The following ANKS6 variants were observed in gnomAD, a reference collection of about 807,000 sequenced individuals.
The protein encoded by ANKS6 is ankyrin repeat and SAM domain-containing protein 6.
Under a neutral mutation model 77.9 loss-of-function variants are expected in ANKS6, and 47 were observed. The ratio of observed to expected loss-of-function variants is 0.60; its 90% confidence interval spans 0.48 to 0.77. The LOEUF (loss-of-function observed/expected upper bound fraction) is 0.77. ANKS6 is among the 30% of genes least tolerant of loss of function. ANKS6 has a pLI of 0.00. For synonymous variants in ANKS6, 488 were observed against 501.7 expected, an observed-to-expected ratio of 0.97 and a Z score of 0.37; for missense variants, 1,150 against 1,159.1, an observed-to-expected ratio of 0.99 and a Z score of 0.11.
intron 4 of ANKS6, 180 bp downstream of exon 4, chr9:98,783,773 G>C (rs915187768): frequency 1.9e-5 from 9 of 472,144 alleles, no homozygotes; most frequent in Admixed American, 4.5e-5. Flanking sequence ...TCTGGACACA[G>C]AAGGGTGGGA....
At chr9:98,784,772 G>A in intron 3 of ANKS6, 60 bp downstream of exon 3, 1 of 1,469,352 alleles carries the variant, frequency 6.8e-7, no homozygotes, top group South Asian at 1.2e-5. Context: ...ACAAATATTA[G>A]GTTGGGAGAA....
rs761357300 is a variant in ANKS6 at position 98,768,086 on chromosome 9, C to T, written c.2137G>A (p.Gly713Ser). 1 of 1,607,182 alleles carries T rather than the reference C, an allele frequency of 6.2e-7. No individual in the cohort carries two copies. Among genetic ancestry groups the T allele is most frequent in the Non-Finnish European group, 8.5e-7 (1 of 1,177,238 alleles). Reference protein sequence around the residue: ...ASPAGGSAPVGKKLETSKRPP... With the variant: ...ASPAGGSAPVSKKLETSKRPP... ...AGGCCACACAAAACAAGCACCTTGC[C>T]AACAGGAGCGCTGCCACCTGCAGGG... The change falls in exon 11 of 15, where the codon GGC (glycine) becomes AGC (serine). Residue 713 changes from glycine (G) to serine (S), a missense_variant. Transcript: ENST00000353234.
At chr9:98,786,446 C>T (rs1246844204) in intron 2 of ANKS6, among the ~76,000 whole-genome samples, 3 of 152,008 alleles carry the variant, frequency 2.0e-5, no homozygotes, top group Admixed American at 6.6e-5. Flanking sequence ...CACCCACCAC[C>T]GCATCTGGCT....
Position 98,735,002 on chromosome 9 carries a change from G to C in ANKS6, c.*1517C>G. ...AGTAAGTTAACGACAGCCTCTGAAA[G>C]CCAGCATAGGGGAATGGGCTTTCAT... On this transcript the variant is annotated 3_prime_UTR_variant, in exon 15 of 15. Transcript: ENST00000353234. 1.0e-6 allele frequency: 1 copy of C among 985,444 alleles called. No individual in the cohort carries two copies. The highest frequency in any genetic ancestry group is 1.2e-6 in the Non-Finnish European group (1 of 829,940). The allele number at this position is 985,444 out of a possible 1,614,324, so 61.0% of individuals were successfully genotyped here. A position where few individuals can be genotyped will look rare whatever the true frequency, so the allele number is the denominator to read the frequency against.
intron 14 of ANKS6, among the ~76,000 whole-genome samples, chr9:98,741,949 T>A (rs377718502): frequency 6.6e-6 from 1 of 152,262 alleles, no homozygotes; most frequent in East Asian, 1.9e-4. Flanking sequence ...TAAACACATG[T>A]AACTGAAACA....
At chr9:98,770,563 C>T (rs1282008061) in intron 10 of ANKS6, among the ~76,000 whole-genome samples, 6 of 151,956 alleles carry the variant, frequency 3.9e-5, no homozygotes, top group Non-Finnish European at 7.4e-5. Context: ...AATGAAGGGG[C>T]AGAATGAGAA....
At chr9:98,773,083 A>G (rs1176106810) in intron 9 of ANKS6, among the ~76,000 whole-genome samples, 1 of 151,786 alleles carries the variant, frequency 6.6e-6, no homozygotes, top group African/African-American at 2.4e-5. Flanking sequence ...GGGTTCTACA[A>G]CTCCCCCGTT....
Position 98,796,301 on chromosome 9 carries a change from G to A in ANKS6, c.191C>T (p.Ala64Val). The A allele has an allele frequency of 7.9e-7, 1 of 1,260,964 alleles. No homozygotes were observed. Among genetic ancestry groups the A allele is most frequent in the African/African-American group, 1.5e-5 (1 of 64,634 alleles). The allele number at this position is 1,260,964 out of a possible 1,614,324, so 78.1% of individuals were successfully genotyped here. The change falls in exon 1 of 15, where the codon GCA becomes GTA. Residue 64 changes from alanine (A) to valine (V), a missense_variant. Transcript: ENST00000353234. The stretch of plus-strand genomic sequence containing the variant: ...ATCCACGGGCACCGGAGCCCCGACT[G>A]CCCCCGCCGCTGCGGCCCCGGGCCC... ...VAGPGAAAAG[A>V]VGAPVPVDCS...
intron 13 of ANKS6, among the ~76,000 whole-genome samples, chr9:98,750,208 C>A (rs1427298544): frequency 6.6e-6 from 1 of 152,224 alleles, no homozygotes; most frequent in East Asian, 1.9e-4. Context: ...TCTCTGGCAA[C>A]CACGAATCTA....
At chr9:98,743,338 T>C (rs1374095706) in intron 14 of ANKS6, among the ~76,000 whole-genome samples, 2 of 122,694 alleles carry the variant, frequency 1.6e-5, no homozygotes, top group African/African-American at 3.2e-5. Context: ...TGAGTCACCC[T>C]TTACCACCCT....
At chr9:98,766,361 A>T (rs1475505444) in intron 11 of ANKS6, among the ~76,000 whole-genome samples, 1 of 152,184 alleles carries the variant, frequency 6.6e-6, no homozygotes, top group African/African-American at 2.4e-5. Context: ...CTAACATATA[A>T]CACATCCAAT....
Position 98,734,503 on chromosome 9 carries a change from A to C in ANKS6, c.*2016T>G. 3.0e-6 allele frequency: 3 copies of C among 985,434 alleles called. No individual in the cohort carries two copies. Among genetic ancestry groups the C allele is most frequent in the Non-Finnish European group, 3.6e-6 (3 of 829,924 alleles). The allele number at this position is 985,434 out of a possible 1,614,324, so 61.0% of individuals were successfully genotyped here. On this transcript the variant is annotated 3_prime_UTR_variant, in exon 15 of 15. Coordinates refer to ENST00000353234, the MANE Select transcript of ANKS6 (RefSeq NM_173551.5). ...TTCAGAGGCAAACAATTCTAGGCCTACTGTTAACCCCTGAAGCCATCAGTA... is the reference window on the plus strand; with the variant it reads ...TTCAGAGGCAAACAATTCTAGGCCTCCTGTTAACCCCTGAAGCCATCAGTA...
intron 1 of ANKS6, among the ~76,000 whole-genome samples, chr9:98,793,372 C>T (rs1420668541): frequency 2.0e-5 from 3 of 152,212 alleles, no homozygotes; most frequent in Non-Finnish European, 4.4e-5. Flanking sequence ...TTTAACTTCT[C>T]TGTTCCTCAA....
Position 98,768,149 on chromosome 9 carries a change from G to A in ANKS6, c.2074C>T (p.Pro692Ser). 1 of 1,613,876 alleles carries A rather than the reference G, an allele frequency of 6.2e-7. No homozygotes were observed. Among genetic ancestry groups the A allele is most frequent in the Non-Finnish European group, 8.5e-7 (1 of 1,179,988 alleles). Residue 692 changes from proline (P) to serine (S), a missense_variant, in exon 11 of 15, where the codon CCA becomes TCA. Coordinates refer to ENST00000353234, the MANE Select transcript of ANKS6 (RefSeq NM_173551.5). ...KPSHRSSPVG[P>S]APGSSPSELP... Reference sequence around the variant, plus strand: ...TCAGACGGGCTGGACCCCGGTGCTGGCCCCACAGGGCTTGACCGATGGCTG... The same window carrying A: ...TCAGACGGGCTGGACCCCGGTGCTGACCCCACAGGGCTTGACCGATGGCTG...
chr9:98,765,820 G>A (rs766145558), intron 11 of ANKS6, among the ~76,000 whole-genome samples: 2 of 152,120 alleles, frequency 1.3e-5, no homozygotes, highest in Non-Finnish European at 2.9e-5. Flanking sequence ...CACCATTACA[G>A]CGAGTTATTT....
chr9:98,782,782 G>A (rs1255486492), intron 4 of ANKS6, among the ~76,000 whole-genome samples: 1 of 152,118 alleles, frequency 6.6e-6, no homozygotes, highest in Non-Finnish European at 1.5e-5. Flanking sequence ...GTTCCTTCCA[G>A]GAACAAAATG....
At chr9:98,749,113 T>C (rs944301008) in intron 13 of ANKS6, among the ~76,000 whole-genome samples, 3 of 151,924 alleles carry the variant, frequency 2.0e-5, no homozygotes, top group South Asian at 2.1e-4. Context: ...ATATAGAGAG[T>C]GCACCCCTAC....
rs1321871315 is a variant in ANKS6 at position 98,796,100 on chromosome 9, C to G, written c.359+33G>C. 5 of 1,305,572 alleles carry G rather than the reference C, an allele frequency of 3.8e-6. No individual in the cohort carries two copies. In the East Asian group the frequency reaches 1.6e-4, roughly 41 times the overall value. 80.9% of individuals were successfully genotyped at this position (1,305,572 alleles called of 1,614,324 possible). On this transcript the variant is annotated intron_variant, in intron 1 of 14. Coordinates refer to ENST00000353234, the MANE Select transcript of ANKS6 (RefSeq NM_173551.5). ...TCTCGGGCCAGCGCCGGGCACCACT[C>G]TGGTCCCGGGCCCCCGGGCCCCGCC...
intron 9 of ANKS6, among the ~76,000 whole-genome samples, chr9:98,772,522 C>T (rs567944312): frequency 2.0e-5 from 3 of 152,284 alleles, no homozygotes; most frequent in Non-Finnish European, 2.9e-5. Flanking sequence ...GACACCAAAA[C>T]GAAGGTCCTC....
Sources: gnomAD v4.1 joint callset for allele counts (sites outside exome capture counted in the v4.1 genomes callset) on GRCh38, gnomAD v4.1.1 for gene constraint, MANE v1.5 for transcripts, NCBI Gene and HGNC (gene_info 2026-07-23, HGNC 2026-07-21) for gene names.